EBF1: variants seen among roughly 807,000 people sequenced by gnomAD.
The protein encoded by EBF1 is EBF transcription factor 1.
A neutral mutation model predicts 68.4 loss-of-function variants in EBF1; 10 were observed. The observed-to-expected ratio is 0.15, with a 90% CI of 0.09 to 0.25. The LOEUF (loss-of-function observed/expected upper bound fraction) is 0.25. EBF1 is among the 10% of genes least tolerant of loss of function. EBF1 has a pLI of 1.00. For missense variants in EBF1, 509 were observed against 794.4 expected, an observed-to-expected ratio of 0.64 and a Z score of 4.32; for synonymous variants, 298 against 299.8, an observed-to-expected ratio of 0.99 and a Z score of 0.06.
intron 6 of EBF1, among the ~76,000 whole-genome samples, chr5:158,914,049 G>C (rs1806599493): frequency 6.6e-6 from 1 of 152,164 alleles, no homozygotes; most frequent in Non-Finnish European, 1.5e-5. Context: ...AACCTGATGT[G>C]GTGGGGCCAC....
At chr5:158,806,098 C>G (rs1430763511) in intron 8 of EBF1, among the ~76,000 whole-genome samples, 2 of 151,962 alleles carry the variant, frequency 1.3e-5, no homozygotes, top group African/African-American at 2.4e-5. Context: ...TATTGATCAA[C>G]TGGAAAAGTT....
intron 6 of EBF1, among the ~76,000 whole-genome samples, chr5:158,996,652 T>C (rs1374656523): frequency 1.3e-5 from 2 of 152,166 alleles, no homozygotes; most frequent in African/African-American, 2.4e-5. Context: ...TAATATTTAG[T>C]AAAAATCCAC....
At chr5:159,005,937 A>G (rs988149656) in intron 6 of EBF1, among the ~76,000 whole-genome samples, 1 of 152,200 alleles carries the variant, frequency 6.6e-6, no homozygotes, top group African/African-American at 2.4e-5. Flanking sequence ...CAGTTCACCT[A>G]ATTGACTTTT....
intron 11 of EBF1, among the ~76,000 whole-genome samples, chr5:158,714,994 A>G (rs1217876990): frequency 6.6e-6 from 1 of 152,182 alleles, no homozygotes; most frequent in Non-Finnish European, 1.5e-5. Flanking sequence ...GGAGTACTCT[A>G]CAAAGTGAGT....
intron 7 of EBF1, among the ~76,000 whole-genome samples, chr5:158,835,024 T>A (rs1788438316): frequency 6.6e-6 from 1 of 152,194 alleles, no homozygotes; most frequent in South Asian, 2.1e-4. Flanking sequence ...ACTCTTTCAC[T>A]CACCCTCAGA....
At chr5:158,775,898 C>A (rs1484925654) in intron 10 of EBF1, among the ~76,000 whole-genome samples, 1 of 151,878 alleles carries the variant, frequency 6.6e-6, no homozygotes, top group Non-Finnish European at 1.5e-5. Context: ...AACAGCTAAT[C>A]TGCTAGTTTG....
intron 6 of EBF1, among the ~76,000 whole-genome samples, chr5:159,010,597 C>T (rs756790923): frequency 5.9e-5 from 9 of 152,128 alleles, no homozygotes; most frequent in Non-Finnish European, 8.8e-5. Context: ...AAAGCTCTTT[C>T]GCCCTTTAAG....
intron 2 of EBF1, 33 bp downstream of exon 2, chr5:159,096,941 G>T: frequency 6.2e-7 from 1 of 1,609,408 alleles, no homozygotes; most frequent in East Asian, 2.2e-5. Context: ...AGCCGAGCCG[G>T]GGACGAGGGG....
intron 6 of EBF1, among the ~76,000 whole-genome samples, chr5:158,973,844 CATT>C (rs1253365792): frequency 6.6e-5 from 10 of 152,164 alleles, no homozygotes; most frequent in African/African-American, 2.2e-4. Context: ...TGGTCATTGT[CATT>C]GTTGTTATCA....
At chr5:159,068,400 T>C (rs753838249) in intron 6 of EBF1, among the ~76,000 whole-genome samples, 18 of 151,958 alleles carry the variant, frequency 1.2e-4, no homozygotes, top group Non-Finnish European at 2.1e-4. Context: ...GATGGATGGA[T>C]GGATGGATGG....
At chr5:159,095,780 A>T in intron 3 of EBF1, 105 bp from the exon 4 acceptor site, 1 of 1,195,382 alleles carries the variant, frequency 8.4e-7, no homozygotes, top group Non-Finnish European at 1.2e-6. Flanking sequence ...ACCCCCACAC[A>T]CATATCACGA....
chr5:158,825,169 G>A (rs887720692), intron 7 of EBF1, among the ~76,000 whole-genome samples: 5 of 152,164 alleles, frequency 3.3e-5, no homozygotes, highest in African/African-American at 1.2e-4. Flanking sequence ...CAGCTTGTAT[G>A]TTTACAGGTT....
chr5:158,843,247 G>T (rs573482444), intron 6 of EBF1, among the ~76,000 whole-genome samples: 2 of 152,254 alleles, frequency 1.3e-5, no homozygotes, highest in Admixed American at 6.5e-5. Flanking sequence ...GTGCTAGAAG[G>T]AGCTGTCAGC....
intron 10 of EBF1, among the ~76,000 whole-genome samples, chr5:158,771,878 G>A (rs1773941865): frequency 6.6e-6 from 1 of 152,172 alleles, no homozygotes; most frequent in Admixed American, 6.5e-5. Flanking sequence ...TACGATGCAA[G>A]CCTCATTGCT....
At chr5:159,061,883 A>T (rs1775913470) in intron 6 of EBF1, among the ~76,000 whole-genome samples, 1 of 152,190 alleles carries the variant, frequency 6.6e-6, no homozygotes. Flanking sequence ...ACATTCAGAG[A>T]CACTCATCTT....
chr5:159,072,984 T>C (rs541197396), intron 6 of EBF1, among the ~76,000 whole-genome samples: 1 of 152,328 alleles, frequency 6.6e-6, no homozygotes, highest in African/African-American at 2.4e-5. Context: ...ATGGATTACG[T>C]CCAACAGAAC....
intron 6 of EBF1, among the ~76,000 whole-genome samples, chr5:158,982,690 T>C (rs1230751944): frequency 1.3e-5 from 2 of 152,104 alleles, no homozygotes; most frequent in Non-Finnish European, 2.9e-5. Flanking sequence ...TGCTTTTTTT[T>C]GGAAAACTCC....
chr5:159,010,835 G>GA (rs1764516303), intron 6 of EBF1, among the ~76,000 whole-genome samples: 1 of 152,192 alleles, frequency 6.6e-6, no homozygotes, highest in Admixed American at 6.5e-5. Context: ...CTCTTTAATT[G>GA]AAAAAAGCTG....
intron 6 of EBF1, among the ~76,000 whole-genome samples, chr5:159,052,485 C>T (rs1408389754): frequency 1.3e-5 from 2 of 152,174 alleles, no homozygotes; most frequent in Non-Finnish European, 2.9e-5. Flanking sequence ...GGTGTTCAGT[C>T]CTCTGCAAAT....
Sources: gnomAD v4.1 joint callset for allele counts (sites outside exome capture counted in the v4.1 genomes callset) on GRCh38, gnomAD v4.1.1 for gene constraint, MANE v1.5 for transcripts, NCBI Gene and HGNC (gene_info 2026-07-23, HGNC 2026-07-21) for gene names.